RS1: variants seen among roughly 807,000 people sequenced by gnomAD.
RS1 encodes retinoschisin.
In RS1, 2 loss-of-function variants were observed where a neutral mutation model predicts 20.8. The observed-to-expected ratio is 0.10, with a 90% CI of 0.04 to 0.30. The LOEUF is 0.30. Ranked by LOEUF, RS1 falls within the 10% of genes least tolerant of loss-of-function variation. RS1 has a pLI of 1.00. For synonymous variants in RS1, 70 were observed against 75.8 expected (o/e 0.92, Z 0.40); for missense variants, 151 against 189.8 (o/e 0.80, Z 1.20).
At chrX:18,671,778 G>A (rs1268762034) in intron 1 of RS1, among the ~76,000 whole-genome samples, 1 of 111,724 alleles carries the variant, frequency 9.0e-6, no homozygotes, top group African/African-American at 3.3e-5. Flanking sequence ...AGATTTCTGA[G>A]ACCCATCCTG....
At chrX:18,655,925 T>C (rs909011053) in intron 3 of RS1, among the ~76,000 whole-genome samples, 1 of 109,541 alleles carries the variant, frequency 9.1e-6, no homozygotes, top group African/African-American at 3.3e-5. Flanking sequence ...CTCTAGAGCC[T>C]GTGCTCTTTT....
intron 4 of RS1, among the ~76,000 whole-genome samples, 162 bp downstream of exon 4, chrX:18,647,029 G>A (rs777902350): frequency 2.1e-3 from 237 of 110,993 alleles, no homozygotes; most frequent in Non-Finnish European, 2.7e-3. Context: ...CAATTCTCCT[G>A]CCTCAGCCTC....
intron 3 of RS1, among the ~76,000 whole-genome samples, chrX:18,654,681 C>T (rs1359819220): frequency 2.7e-5 from 3 of 111,331 alleles, no homozygotes; most frequent in East Asian, 5.7e-4. Context: ...TTAATGGCTG[C>T]GTGAGCTCAT....
chrX:18,663,785 C>G (rs775657921), intron 1 of RS1, among the ~76,000 whole-genome samples: 1 of 111,840 alleles, frequency 8.9e-6, no homozygotes, highest in African/African-American at 3.2e-5. Context: ...TTTGAGAGCT[C>G]TGCTTCCTCC....
intron 3 of RS1, among the ~76,000 whole-genome samples, chrX:18,647,946 A>G (rs763927634): frequency 8.9e-6 from 1 of 111,918 alleles, no homozygotes; most frequent in Admixed American, 9.4e-5. Flanking sequence ...AGAAACAGCT[A>G]AAAGGAACTG....
intron 1 of RS1, among the ~76,000 whole-genome samples, chrX:18,667,178 C>G (rs1928418626): frequency 9.0e-6 from 1 of 111,582 alleles, no homozygotes; most frequent in Non-Finnish European, 1.9e-5. Context: ...AGGAGATGCT[C>G]TGTCCCATCC....
At chrX:18,652,533 G>A (rs1249550029) in intron 3 of RS1, among the ~76,000 whole-genome samples, 1 of 111,633 alleles carries the variant, frequency 9.0e-6, no homozygotes, top group Non-Finnish European at 1.9e-5. Flanking sequence ...GCCGAGCGCA[G>A]TGGTTGGCAC....
At chrX:18,657,714 T>G in intron 1 of RS1, 49 bp from the exon 2 acceptor site, 17 of 935,848 alleles carry the variant, frequency 1.8e-5, no homozygotes, top group Non-Finnish European at 2.3e-5. Context: ...GAAAGAGAAA[T>G]CCAACAGCAT....
intron 5 of RS1, among the ~76,000 whole-genome samples, chrX:18,642,681 G>A (rs897401658): frequency 3.6e-5 from 4 of 112,646 alleles, no homozygotes; most frequent in African/African-American, 1.3e-4. Context: ...AAACTTAAAT[G>A]TGTATTCCTA....
Position 18,640,707 on chromosome X carries a change from C to G in RS1, c.*1297G>C, listed in dbSNP as rs1233997041. ...TGGCATTTGAAAATGAAAAGTAACT[C>G]GGAAATGAGCTGCTAGCAAAGACTA... is the stretch of plus-strand genomic sequence containing the variant. On this transcript the variant is annotated 3_prime_UTR_variant, in exon 6 of 6. Transcript: ENST00000379984. 8.9e-6 allele frequency: 1 copy of G among 112,215 alleles called. No individual in the cohort carries two copies. Among genetic ancestry groups the G allele is most frequent in the Non-Finnish European group, 1.9e-5 (1 of 53,197 alleles). 9.2% of individuals were successfully genotyped at this position (112,215 alleles called of 1,213,427 possible).
rs148687431 is a variant in RS1 at position 18,646,434 on chromosome X, C to T, written c.326+757G>A. Among the ~76,000 whole-genome samples, 474 of 112,769 alleles carry T rather than the reference C, an allele frequency of 4.2e-3. 2 individuals are homozygous for T. The highest frequency in any genetic ancestry group is 0.014 in the African/African-American group (427 of 31,132). ...CCTCCCAAAGTGCTAGGATTACAGG[C>T]GTAAGCCACTGTGCCTGGCTGATGA... On this transcript the variant is annotated intron_variant, in intron 4 of 5. Transcript: ENST00000379984.
At position 18,641,496 on chromosome X, in the gene RS1, T is replaced by C. The variant is rs1927573927; in HGVS notation, c.*508A>G. 7.7e-6 allele frequency: 1 copy of C among 130,325 alleles called. No individual in the cohort carries two copies. Among genetic ancestry groups the C allele is most frequent in the Non-Finnish European group, 1.6e-5 (1 of 64,413 alleles). The allele number at this position is 130,325 out of a possible 1,213,427, so 10.7% of individuals were successfully genotyped here. ...ACTCATCCCTGCCACCCAGTCACCC[T>C]TGAGACCCTCAGCTGCCTCCCCAGG... On this transcript the variant is annotated 3_prime_UTR_variant, in exon 6 of 6. Transcript: ENST00000379984.
At chrX:18,662,480 T>C (rs2147205505) in intron 1 of RS1, among the ~76,000 whole-genome samples, 1 of 110,006 alleles carries the variant, frequency 9.1e-6, no homozygotes, top group South Asian at 3.9e-4. Flanking sequence ...GGCCCCAGTG[T>C]GTGATGTTCC....
At chrX:18,662,870 G>T (rs770302982) in intron 1 of RS1, among the ~76,000 whole-genome samples, 2 of 109,909 alleles carry the variant, frequency 1.8e-5, no homozygotes, top group East Asian at 5.7e-4. Context: ...CTCATGATCC[G>T]CCCACCTCGG....
intron 3 of RS1, among the ~76,000 whole-genome samples, chrX:18,655,194 G>A (rs757941204): frequency 8.9e-6 from 1 of 112,132 alleles, no homozygotes; most frequent in Non-Finnish European, 1.9e-5. Flanking sequence ...TACCCCACAG[G>A]CTGCTTTAAT....
intron 3 of RS1, among the ~76,000 whole-genome samples, chrX:18,647,924 G>A (rs1927854547): frequency 9.0e-6 from 1 of 111,676 alleles, no homozygotes; most frequent in Non-Finnish European, 1.9e-5. Context: ...GTGCTTGGGG[G>A]ACTGTTGAGT....
intron 3 of RS1, among the ~76,000 whole-genome samples, chrX:18,654,671 T>G (rs1428743039): frequency 9.0e-6 from 1 of 111,392 alleles, no homozygotes; most frequent in African/African-American, 3.3e-5. Flanking sequence ...ATACCAACAT[T>G]TAATGGCTGC....
At chrX:18,658,368 T>C (rs1928255767) in intron 1 of RS1, among the ~76,000 whole-genome samples, 1 of 111,718 alleles carries the variant, frequency 9.0e-6, no homozygotes, top group Admixed American at 9.6e-5. Context: ...TTAAATATAT[T>C]TGAGAACTTG....
chrX:18,668,188 G>A (rs4825233), intron 1 of RS1, among the ~76,000 whole-genome samples: 52 of 111,978 alleles, frequency 4.6e-4, no homozygotes, highest in South Asian at 2.6e-3. Context: ...CTGTGATTCC[G>A]CCACATGTTA....
Sources: allele counts gnomAD v4.1 joint callset (sites outside exome capture counted in the v4.1 genomes callset), GRCh38; gene constraint gnomAD v4.1.1; transcripts MANE v1.5; gene names NCBI Gene and HGNC (gene_info 2026-07-23, HGNC 2026-07-21).